The following MLLT3 variants were observed in gnomAD, a reference collection of about 807,000 sequenced individuals.
The protein encoded by MLLT3 is protein AF-9.
Under a neutral mutation model 53.2 loss-of-function variants are expected in MLLT3, and 4 were observed. That is an observed-to-expected ratio of 0.08 (90% CI 0.04 to 0.17). The LOEUF is 0.17. Among genes scored for constraint, MLLT3 ranks in the 10% least tolerant of loss-of-function variants. The pLI is 1.00. For synonymous variants in MLLT3, 283 were observed against 230.6 expected (o/e 1.23, Z -2.06); for missense variants, 569 against 684.0 (o/e 0.83, Z 1.87).
At chr9:20,470,949 A>T (rs1283641909) in intron 2 of MLLT3, among the ~76,000 whole-genome samples, 1 of 152,062 alleles carries the variant, frequency 6.6e-6, no homozygotes, top group East Asian at 1.9e-4. Flanking sequence ...CCAATTTCAA[A>T]TAATTTCTTC....
intron 2 of MLLT3, among the ~76,000 whole-genome samples, chr9:20,556,703 T>A (rs1459101880): frequency 1.3e-5 from 2 of 151,310 alleles, no homozygotes; most frequent in Non-Finnish European, 2.9e-5. Context: ...AATAAATAAA[T>A]AAAAGTTGGG....
At chr9:20,585,149 A>C (rs1563830468) in intron 2 of MLLT3, among the ~76,000 whole-genome samples, 1 of 152,164 alleles carries the variant, frequency 6.6e-6, no homozygotes, top group Non-Finnish European at 1.5e-5. Flanking sequence ...GTCCAAAATA[A>C]AGGGGCCAAC....
At chr9:20,484,139 A>G (rs1342540174) in intron 2 of MLLT3, among the ~76,000 whole-genome samples, 3 of 152,226 alleles carry the variant, frequency 2.0e-5, no homozygotes, top group Admixed American at 6.5e-5. Context: ...TTATGGGCAC[A>G]TGAACATATA....
chr9:20,561,187 G>A (rs1375969242), intron 2 of MLLT3, among the ~76,000 whole-genome samples: 1 of 152,068 alleles, frequency 6.6e-6, no homozygotes, highest in East Asian at 1.9e-4. Flanking sequence ...TAGTTAACAT[G>A]TATCTACTTT....
chr9:20,537,065 G>C (rs942549237), intron 2 of MLLT3, among the ~76,000 whole-genome samples: 4 of 152,144 alleles, frequency 2.6e-5, no homozygotes, highest in African/African-American at 9.7e-5. Flanking sequence ...ACTATAGATG[G>C]GAAGTCCCAA....
At chr9:20,434,240 G>A (rs1401398639) in intron 4 of MLLT3, among the ~76,000 whole-genome samples, 2 of 152,074 alleles carry the variant, frequency 1.3e-5, no homozygotes, top group East Asian at 1.9e-4. Flanking sequence ...TTGGATGGTT[G>A]TACTGTAGTT....
At chr9:20,590,237 G>C (rs542833978) in intron 2 of MLLT3, among the ~76,000 whole-genome samples, 1 of 152,164 alleles carries the variant, frequency 6.6e-6, no homozygotes, top group Non-Finnish European at 1.5e-5. Flanking sequence ...AGTCAGGGTA[G>C]ATGAAAATGG....
At chr9:20,357,739 G>T (rs1446131619) in intron 8 of MLLT3, among the ~76,000 whole-genome samples, 1 of 152,156 alleles carries the variant, frequency 6.6e-6, no homozygotes, top group Non-Finnish European at 1.5e-5. Flanking sequence ...GTCCCTGGAA[G>T]ATTTGAGAAA....
At chr9:20,501,813 G>A (rs567423303) in intron 2 of MLLT3, among the ~76,000 whole-genome samples, 79 of 150,078 alleles carry the variant, frequency 5.3e-4, no homozygotes, top group Non-Finnish European at 9.5e-4. Flanking sequence ...AGGCGAGGTG[G>A]CTCAGACCTG....
chr9:20,387,765 AG>A (rs931073967), intron 5 of MLLT3, among the ~76,000 whole-genome samples: 8 of 152,236 alleles, frequency 5.3e-5, no homozygotes, highest in African/African-American at 1.2e-4. Context: ...ATCTTAGAAA[AG>A]GCAGTTTGAG....
At chr9:20,485,887 T>C (rs1030385801) in intron 2 of MLLT3, among the ~76,000 whole-genome samples, 1 of 152,112 alleles carries the variant, frequency 6.6e-6, no homozygotes, top group Non-Finnish European at 1.5e-5. Flanking sequence ...AATAAATAAA[T>C]CAGTATCATT....
At chr9:20,532,047 C>T (rs779534666) in intron 2 of MLLT3, among the ~76,000 whole-genome samples, 3 of 152,050 alleles carry the variant, frequency 2.0e-5, no homozygotes, top group East Asian at 3.9e-4. Flanking sequence ...CAAATTAAAA[C>T]GATTGCAAGT....
At position 20,391,931 on chromosome 9, in the gene MLLT3, T is replaced by A. The variant is rs144953334; in HGVS notation, c.1125+21790A>T. Among the ~76,000 whole-genome samples, 402 of 152,218 alleles carry A rather than the reference T, an allele frequency of 2.6e-3. 1 individual carries two copies. Among genetic ancestry groups the A allele is most frequent in the African/African-American group, 8.6e-3 (359 of 41,542 alleles). ...TACTATTAATATAATAAAGCCCAGGTGCTACATAAGGTTAAAGACAGAAAA... is the reference window on the plus strand; with the variant it reads ...TACTATTAATATAATAAAGCCCAGGAGCTACATAAGGTTAAAGACAGAAAA... On this transcript the variant is annotated intron_variant, in intron 5 of 10. Coordinates refer to ENST00000380338, the MANE Select transcript of MLLT3 (RefSeq NM_004529.4).
chr9:20,480,645 G>T (rs1354340821), intron 2 of MLLT3, among the ~76,000 whole-genome samples: 1 of 152,166 alleles, frequency 6.6e-6, no homozygotes, highest in African/African-American at 2.4e-5. Context: ...TGCTCTTCAA[G>T]ACAAAAGTAT....
In MLLT3 at chr9:20,534,896, CAAAAT is replaced by C. The variant is rs768217983; in HGVS notation, c.194-78115_194-78111del. ...GCAAGACTCCATCTCAAAAATAAAA[CAAAAT>C]AAAATAAAATAAAATAAAAAGAAGA... On this transcript the variant is annotated intron_variant, in intron 2 of 10. Transcript: ENST00000380338. 9.2e-5 allele frequency among the ~76,000 whole-genome samples: 14 copies of C among 151,514 alleles called. No individual in the cohort carries two copies. The South Asian group carries it at 1.0e-3, about 11-fold the overall frequency.
chr9:20,416,787 G>A lies in MLLT3; in HGVS notation c.421-2362C>T, dbSNP rs117662542. Reference sequence around the variant, plus strand: ...TCTTTAAGCTAAGAGAACAAAAGAGGACAAACACATTCCATAACAATGTCT... The same window carrying A: ...TCTTTAAGCTAAGAGAACAAAAGAGAACAAACACATTCCATAACAATGTCT... On this transcript the variant is annotated intron_variant, in intron 4 of 10. Transcript: ENST00000380338. Among the ~76,000 whole-genome samples, 83 of 152,038 alleles carry A rather than the reference G, an allele frequency of 5.5e-4. 1 individual carries two copies. The East Asian group carries it at 0.016, about 29-fold the overall frequency.
At chr9:20,545,560 T>C (rs889663794) in intron 2 of MLLT3, among the ~76,000 whole-genome samples, 2 of 152,202 alleles carry the variant, frequency 1.3e-5, no homozygotes, top group African/African-American at 2.4e-5. Context: ...TTTTATGTTA[T>C]GTGTAAAAGT....
intron 2 of MLLT3, among the ~76,000 whole-genome samples, chr9:20,600,850 T>A (rs990705512): frequency 1.8e-4 from 28 of 152,154 alleles, no homozygotes; most frequent in Admixed American, 1.8e-3. Context: ...TCACTCTACT[T>A]ATTATGGGAG....
chr9:20,583,826 T>G (rs1030115842), intron 2 of MLLT3, among the ~76,000 whole-genome samples: 4 of 152,332 alleles, frequency 2.6e-5, no homozygotes, highest in African/African-American at 9.6e-5. Context: ...GGGCATGTGA[T>G]GGAAGGCGCT....
Sources: allele counts gnomAD v4.1 joint callset (sites outside exome capture counted in the v4.1 genomes callset), GRCh38; gene constraint gnomAD v4.1.1; transcripts MANE v1.5; gene names NCBI Gene and HGNC (gene_info 2026-07-23, HGNC 2026-07-21).